STK3: variants seen among roughly 807,000 people sequenced by gnomAD.
STK3 encodes the protein serine/threonine kinase 3.
STK3 carries 41 observed loss-of-function variants against 58.0 expected under a neutral mutation model. The ratio of observed to expected loss-of-function variants is 0.71; its 90% CI spans 0.55 to 0.92. The LOEUF (loss-of-function observed/expected upper bound fraction) is 0.92, where lower values mean the gene tolerates loss of function less well. Among genes scored for constraint, STK3 ranks in the 40% least tolerant of loss-of-function variants. The pLI is 0.00. For missense variants in STK3, 479 were observed against 602.7 expected (o/e 0.79, Z 2.15); for synonymous variants, 170 against 191.0 (o/e 0.89, Z 0.91).
At chr8:98,909,967 T>C (rs1012566003) in intron 1 of STK3, among the ~76,000 whole-genome samples, 1 of 152,222 alleles carries the variant, frequency 6.6e-6, no homozygotes, top group Non-Finnish European at 1.5e-5. Context: ...CCACTAGCAG[T>C]GTATGAGAAT....
intron 1 of STK3, among the ~76,000 whole-genome samples, chr8:98,447,869 T>A (rs1819024661): frequency 1.3e-5 from 2 of 148,816 alleles, no homozygotes; most frequent in Admixed American, 1.3e-4. Flanking sequence ...ACCCATTAGA[T>A]TACTCTGAAA....
intron 8 of STK3, among the ~76,000 whole-genome samples, chr8:98,549,438 A>G (rs1810987968): frequency 6.6e-6 from 1 of 152,134 alleles, no homozygotes; most frequent in Non-Finnish European, 1.5e-5. Context: ...CCATTTTAAA[A>G]TGGGTTGTTT....
chr8:98,445,979 A>G (rs955757727), intron 1 of STK3, among the ~76,000 whole-genome samples: 5 of 152,226 alleles, frequency 3.3e-5, no homozygotes, highest in African/African-American at 1.2e-4. Flanking sequence ...AACAGACCAC[A>G]TGATTCCATG....
At chr8:98,419,803 C>G (rs1818150097) in intron 3 of STK3, among the ~76,000 whole-genome samples, 1 of 152,138 alleles carries the variant, frequency 6.6e-6, no homozygotes, top group Non-Finnish European at 1.5e-5. Context: ...GAGTTCTGGC[C>G]AGGGGCTGTG....
chr8:98,492,597 G>A (rs1321695252), intron 10 of STK3, among the ~76,000 whole-genome samples: 2 of 152,038 alleles, frequency 1.3e-5, no homozygotes, highest in South Asian at 2.1e-4. Context: ...ATAGTGTTTT[G>A]TATTTTTTTT....
At chr8:98,411,796 C>T (rs528212963) in intron 3 of STK3, among the ~76,000 whole-genome samples, 1 of 152,188 alleles carries the variant, frequency 6.6e-6, no homozygotes, top group Non-Finnish European at 1.5e-5. Context: ...TGTACTAAGT[C>T]CCAGGCTGGA....
At chr8:98,574,615 G>T (rs182385106) in intron 8 of STK3, among the ~76,000 whole-genome samples, 5 of 152,282 alleles carry the variant, frequency 3.3e-5, no homozygotes, top group Non-Finnish European at 1.5e-5. Context: ...AGATTTATAG[G>T]AGACCCACAA....
At chr8:98,891,086 T>C (rs1037063051) in intron 1 of STK3, among the ~76,000 whole-genome samples, 4 of 152,230 alleles carry the variant, frequency 2.6e-5, no homozygotes, top group Non-Finnish European at 4.4e-5. Flanking sequence ...TCTGGCCTCC[T>C]AACAGTTGTT....
At chr8:98,673,525 G>T (rs1196191590) in intron 6 of STK3, among the ~76,000 whole-genome samples, 1 of 152,006 alleles carries the variant, frequency 6.6e-6, no homozygotes, top group African/African-American at 2.4e-5. Flanking sequence ...GTCACATATT[G>T]CATGATTCCA....
chr8:98,775,808 C>G (rs1370522951), intron 1 of STK3, among the ~76,000 whole-genome samples: 2 of 152,054 alleles, frequency 1.3e-5, no homozygotes, highest in African/African-American at 4.8e-5. Context: ...ATGAAGATCT[C>G]AAATGTGTAC....
At chr8:98,535,733 C>A (rs979087852) in intron 9 of STK3, among the ~76,000 whole-genome samples, 1 of 152,008 alleles carries the variant, frequency 6.6e-6, no homozygotes, top group Non-Finnish European at 1.5e-5. Flanking sequence ...TCTAATATGA[C>A]CTACATATTA....
At chr8:98,639,421 A>C (rs974480259) in intron 6 of STK3, among the ~76,000 whole-genome samples, 1 of 152,116 alleles carries the variant, frequency 6.6e-6, no homozygotes, top group African/African-American at 2.4e-5. Flanking sequence ...TCCAATATGG[A>C]TATTAATCCT....
Position 98,626,921 on chromosome 8 carries a change from T to C in STK3, c.685-30752A>G, listed in dbSNP as rs536222942. ...TCTGTATCCTCAGTTCCAGGTGCAA[T>C]GCTTAGTATACAAAAGATAATGTTT... On this transcript the variant is annotated intron_variant, in intron 6 of 10. Transcript: ENST00000419617. 7.2e-4 allele frequency among the ~76,000 whole-genome samples: 109 copies of C among 152,296 alleles called. 1 individual carries two copies. Among genetic ancestry groups the C allele is most frequent in the African/African-American group, 2.6e-3 (108 of 41,560 alleles).
chr8:98,893,496 GAAAGAA>G lies in STK3; in HGVS notation c.-78-9668_-78-9663del, dbSNP rs1564087414. Among the ~76,000 whole-genome samples the G allele has an allele frequency of 9.7e-5, 10 of 102,962 alleles. No homozygotes were observed. The East Asian group carries it at 1.4e-3, about 14-fold the overall frequency. The allele number at this position is 102,962 out of a possible 152,430, so 67.5% of individuals were successfully genotyped here. ...AAAGAAAGAAAGAAAGAGAAAGAAA[GAAAGAA>G]AGAAAGAAAGAAAGAAAGAAAGAAA... On this transcript the variant is annotated intron_variant, in intron 1 of 1. Transcript: ENST00000519420.
At chr8:98,932,992 T>C (rs1192250016) in intron 1 of STK3, among the ~76,000 whole-genome samples, 2 of 152,172 alleles carry the variant, frequency 1.3e-5, no homozygotes, top group Non-Finnish European at 2.9e-5. Flanking sequence ...ACTTTCCTCC[T>C]GAGCCTCTGT....
intron 6 of STK3, among the ~76,000 whole-genome samples, chr8:98,631,119 G>A (rs1302131544): frequency 1.3e-5 from 2 of 152,050 alleles, no homozygotes; most frequent in Non-Finnish European, 2.9e-5. Flanking sequence ...GGTTCAGGCC[G>A]CCATTATCTC....
chr8:98,692,447 A>G (rs1338285999), intron 6 of STK3, among the ~76,000 whole-genome samples: 1 of 152,134 alleles, frequency 6.6e-6, no homozygotes, highest in African/African-American at 2.4e-5. Context: ...ATTAGGCTAC[A>G]TAAAACACAC....
intron 6 of STK3, among the ~76,000 whole-genome samples, chr8:98,647,060 C>T (rs1296191439): frequency 1.3e-5 from 2 of 152,176 alleles, no homozygotes; most frequent in Non-Finnish European, 2.9e-5. Flanking sequence ...CATCACCTCC[C>T]TTACTTCCTG....
intron 1 of STK3, among the ~76,000 whole-genome samples, chr8:98,788,113 C>T (rs1446454968): frequency 1.3e-5 from 2 of 152,186 alleles, no homozygotes; most frequent in Non-Finnish European, 2.9e-5. Context: ...TCAATACCAA[C>T]GTTGAATGTA....
Sources: gnomAD v4.1 joint callset for allele counts (sites outside exome capture counted in the v4.1 genomes callset) on GRCh38, gnomAD v4.1.1 for gene constraint, MANE v1.5 for transcripts, NCBI Gene and HGNC (gene_info 2026-07-23, HGNC 2026-07-21) for gene names.